SLC23A1: variants seen among roughly 807,000 people sequenced by gnomAD.
SLC23A1 encodes the protein solute carrier family 23 member 1.
In SLC23A1, 31 loss-of-function variants were observed where a neutral mutation model predicts 62.5. The observed-to-expected ratio is 0.50, with a 90% confidence interval of 0.37 to 0.67. The LOEUF (loss-of-function observed/expected upper bound fraction) is 0.67. Ranked by LOEUF, SLC23A1 falls within the 30% of genes least tolerant of loss-of-function variation. The pLI is 0.00. For missense variants in SLC23A1, 640 were observed against 782.7 expected (o/e 0.82, Z 2.18); for synonymous variants, 271 against 313.2 (o/e 0.87, Z 1.42).
intron 13 of SLC23A1, 111 bp downstream of exon 13, chr5:139,377,291 C>T (rs1457439582): frequency 2.3e-5 from 16 of 697,136 alleles, no homozygotes; most frequent in Non-Finnish European, 4.0e-5. Flanking sequence ...ATGCTCCCTG[C>T]AGGGCCTGCA....
At chr5:139,367,968 C>G (rs1269665224) in intron 14 of SLC23A1, among the ~76,000 whole-genome samples, 1 of 151,940 alleles carries the variant, frequency 6.6e-6, no homozygotes, top group Non-Finnish European at 1.5e-5. Context: ...TTTTAGGAGG[C>G]CGAGGCAGGC....
intron 13 of SLC23A1, among the ~76,000 whole-genome samples, chr5:139,376,293 C>T (rs1297655820): frequency 1.3e-5 from 2 of 151,976 alleles, no homozygotes; most frequent in Admixed American, 6.6e-5. Context: ...CCTCAGCCTC[C>T]CGAGAAGCTG....
chr5:139,382,455 G>A (rs758374598), intron 2 of SLC23A1, 37 bp downstream of exon 2: 9 of 1,224,986 alleles, frequency 7.3e-6, no homozygotes, highest in Middle Eastern at 2.0e-4. Context: ...CCCGGGGAGT[G>A]TGCAGAGTGA....
intron 13 of SLC23A1, among the ~76,000 whole-genome samples, chr5:139,372,539 CT>C (rs1757724097): frequency 6.6e-6 from 1 of 152,104 alleles, no homozygotes. Context: ...AAACATACCC[CT>C]GGGAGATGTA....
At chr5:139,385,254 C>A (rs530048993), upstream of SLC23A1, among the ~76,000 whole-genome samples, 2 of 152,362 alleles carry the variant, frequency 1.3e-5, no homozygotes, top group East Asian at 3.9e-4. Flanking sequence ...GAGACACTCA[C>A]AAACGAAACT....
At chr5:139,380,131 G>A in intron 6 of SLC23A1, 55 bp from the exon 7 acceptor site, 1 of 1,573,836 alleles carries the variant, frequency 6.4e-7, no homozygotes, top group East Asian at 2.3e-5. Context: ...GGGGCCAGGA[G>A]CCGGGAAGAA....
At chr5:139,384,725 C>A (rs1489059545), upstream of SLC23A1, 3 of 985,298 alleles carry the variant, frequency 3.0e-6, no homozygotes, top group South Asian at 9.4e-5. Context: ...GGTCCCAGAT[C>A]CACAGTAGCA....
At chr5:139,375,860 G>A (rs1186345530) in intron 13 of SLC23A1, among the ~76,000 whole-genome samples, 1 of 151,650 alleles carries the variant, frequency 6.6e-6, no homozygotes, top group Non-Finnish European at 1.5e-5. Flanking sequence ...GAGGACAGGT[G>A]TGGTGGCTCA....
intron 13 of SLC23A1, among the ~76,000 whole-genome samples, chr5:139,372,801 T>G (rs1351400213): frequency 1.3e-5 from 2 of 152,148 alleles, no homozygotes; most frequent in Non-Finnish European, 2.9e-5. Flanking sequence ...GTCAGGCTGG[T>G]CTTGAACTCC....
chr5:139,381,743 T>A (rs1758271800), intron 3 of SLC23A1, 149 bp downstream of exon 3: 8 of 654,392 alleles, frequency 1.2e-5, no homozygotes, highest in Non-Finnish European at 2.1e-5. Flanking sequence ...GCTGCCCAGC[T>A]CTAAGGCTGG....
At chr5:139,377,053 A>C (rs1295602919) in intron 13 of SLC23A1, among the ~76,000 whole-genome samples, 1 of 151,660 alleles carries the variant, frequency 6.6e-6, no homozygotes, top group East Asian at 1.9e-4. Context: ...CGGGAAGTGG[A>C]GGTTGCAGTG....
intron 13 of SLC23A1, among the ~76,000 whole-genome samples, chr5:139,374,996 C>A (rs1199115747): frequency 6.6e-6 from 1 of 152,216 alleles, no homozygotes; most frequent in African/African-American, 2.4e-5. Context: ...CTACCAAGAG[C>A]ACCTTCCTTT....
intron 14 of SLC23A1, 118 bp from the exon 15 acceptor site, chr5:139,367,749 C>T (rs994933325): frequency 6.6e-6 from 1 of 152,230 alleles, no homozygotes; most frequent in Non-Finnish European, 1.5e-5. Context: ...ACTTGTTTAA[C>T]ATGGTTCCTT....
rs779970977 is a variant in SLC23A1 at position 139,372,083 on chromosome 5, T to A, written c.1720A>T (p.Ser574Cys). 11 of 1,613,170 alleles carry A rather than the reference T, an allele frequency of 6.8e-6. No homozygotes were observed. In the South Asian group the frequency reaches 1.2e-4, roughly 18 times the overall value. ...ICPVFKGFSSSSKDQIAIPED... is the reference protein window; with the variant it reads ...ICPVFKGFSSCSKDQIAIPED... ...GGAATTGCAATCTGATCTTTTGAAC[T>A]TGAAGAAAATCCTTTGAAGACTGGG... The change falls in exon 14 of 15, where the codon AGT becomes TGT. Residue 574 changes from serine (S) to cysteine (C), a missense_variant. Coordinates refer to ENST00000348729, the MANE Select transcript of SLC23A1 (RefSeq NM_005847.5).
At chr5:139,368,044 C>G (rs988419009) in intron 14 of SLC23A1, among the ~76,000 whole-genome samples, 2 of 151,752 alleles carry the variant, frequency 1.3e-5, no homozygotes, top group East Asian at 3.9e-4. Flanking sequence ...ACTAAAAATA[C>G]GAAAAATTAG....
At chr5:139,373,302 C>T (rs1422440883) in intron 13 of SLC23A1, among the ~76,000 whole-genome samples, 6 of 151,968 alleles carry the variant, frequency 3.9e-5, no homozygotes, top group East Asian at 3.9e-4. Flanking sequence ...CTCAGCCTCC[C>T]GAGTAGCTGG....
At position 139,381,945 on chromosome 5, in the gene SLC23A1, G is replaced by C; in HGVS notation, c.255C>G (p.Thr85=). 6.3e-7 allele frequency: 1 copy of C among 1,586,720 alleles called. No homozygotes were observed. The highest frequency in any genetic ancestry group is 8.6e-7 in the Non-Finnish European group (1 of 1,167,308). ...DQHMVSQLIG[T]IFTCVGITTL... is the part of the protein sequence containing the mutation. ...TGGTGATGCCCACGCACGTGAAGAT[G>C]GTGCCGATGAGCTGACTAACCATGT... Residue 85 remains threonine, a synonymous_variant, in exon 3 of 15, where the codon ACC becomes ACG. Transcript: ENST00000348729.
intron 13 of SLC23A1, among the ~76,000 whole-genome samples, chr5:139,373,830 A>G (rs1426027555): frequency 6.6e-6 from 1 of 152,186 alleles, no homozygotes; most frequent in Non-Finnish European, 1.5e-5. Context: ...GGCACAGTAG[A>G]GTGGGATGAG....
intron 14 of SLC23A1, chr5:139,369,091 T>C (rs1581340345): frequency 4.3e-6 from 1 of 232,316 alleles, no homozygotes; most frequent in Non-Finnish European, 8.3e-6. Context: ...CCTTACCAAA[T>C]TGTCTTTTTT....
Sources: allele counts gnomAD v4.1 joint callset (sites outside exome capture counted in the v4.1 genomes callset), GRCh38; gene constraint gnomAD v4.1.1; transcripts MANE v1.5; gene names NCBI Gene and HGNC (gene_info 2026-07-23, HGNC 2026-07-21).